The following RNLS variants were observed in gnomAD, a reference collection of about 807,000 sequenced individuals.
RNLS encodes the protein renalase, FAD dependent amine oxidase, also known as renalase.
Under a neutral mutation model 39.8 loss-of-function variants are expected in RNLS, and 39 were observed. The ratio of observed to expected loss-of-function variants is 0.98; its 90% CI spans 0.76 to 1.28. The LOEUF (loss-of-function observed/expected upper bound fraction) is 1.28, where lower values mean the gene tolerates loss of function less well. RNLS is among the 50% of genes most tolerant of loss of function. The probability of loss-of-function intolerance (pLI) is 0.00; values close to 1 mark genes in which losing one functional copy is unlikely to be tolerated. For missense variants in RNLS, 410 were observed against 413.3 expected (o/e 0.99, Z 0.07); for synonymous variants, 147 against 150.7 (o/e 0.98, Z 0.18).
At chr10:88,187,302 T>G in the RNLS span, among the ~76,000 whole-genome samples, 1 of 150,794 alleles carries the variant, frequency 6.6e-6, no homozygotes, top group African/African-American at 2.4e-5. Flanking sequence ...ACATTTGTGT[T>G]GGCATTGATC....
In RNLS at chr10:88,374,849, T is replaced by G. The variant is rs1217680317; in HGVS notation, c.527-12124A>C. On this transcript the variant is annotated intron_variant, in intron 4 of 6. Transcript: ENST00000331772. ...TTCCAAGCTTCTACGCAACTAACCT[T>G]GGCACTTACCCCCAGCTCAGGCAGC... Among the ~76,000 whole-genome samples, 4 of 152,108 alleles carry G rather than the reference T, an allele frequency of 2.6e-5. No homozygotes were observed. The East Asian group carries it at 7.7e-4, about 29-fold the overall frequency.
At chr10:88,338,510 A>C (rs1847671464) in intron 5 of RNLS, among the ~76,000 whole-genome samples, 1 of 152,232 alleles carries the variant, frequency 6.6e-6, no homozygotes, top group South Asian at 2.1e-4. Context: ...TGTAACTAAC[A>C]GCAGGTAAAT....
At chr10:88,390,618 A>T (rs932215451) in intron 4 of RNLS, among the ~76,000 whole-genome samples, 1 of 152,106 alleles carries the variant, frequency 6.6e-6, no homozygotes, top group Non-Finnish European at 1.5e-5. Flanking sequence ...GATTTTAAAA[A>T]ACCCAAAGCC....
the RNLS span, among the ~76,000 whole-genome samples, chr10:88,196,896 G>T: frequency 6.6e-6 from 1 of 152,136 alleles, no homozygotes; most frequent in African/African-American, 2.4e-5. Context: ...ATGTTTTGGG[G>T]CAAATGGAGA....
Position 88,284,942 on chromosome 10 carries a change from C to CACAT in RNLS, c.*408_*411dup, listed in dbSNP as rs1843165058. 15 of 986,902 alleles carry CACAT rather than the reference C, an allele frequency of 1.5e-5. No individual in the cohort carries two copies. Among genetic ancestry groups the CACAT allele is most frequent in the Non-Finnish European group, 1.8e-5 (15 of 830,986 alleles). The allele number at this position is 986,902 out of a possible 1,614,324, so 61.1% of individuals were successfully genotyped here. On this transcript the variant is annotated 3_prime_UTR_variant, in exon 7 of 7. Transcript: ENST00000331772. Reference sequence around the variant, plus strand: ...ATTTGCAAAAATATTGATTCAAGGACACATCCGAAGACTTAAGATGGGGCT... The same window carrying CACAT: ...ATTTGCAAAAATATTGATTCAAGGACACATACATCCGAAGACTTAAGATGGGGCT...
At chr10:88,544,314 A>G (rs1486079385) in intron 4 of RNLS, among the ~76,000 whole-genome samples, 1 of 152,204 alleles carries the variant, frequency 6.6e-6, no homozygotes, top group Non-Finnish European at 1.5e-5. Context: ...AATGATAAAC[A>G]TCTGCATAGT....
chr10:88,314,441 T>C (rs778944090), intron 6 of RNLS, 25 bp downstream of exon 6: 1 of 1,611,262 alleles, frequency 6.2e-7, no homozygotes, highest in South Asian at 1.1e-5. Context: ...ATTGTTGTGC[T>C]TAGACCACTG....
At chr10:88,583,017 T>C (rs894140465) in intron 1 of RNLS, 56 bp downstream of exon 1, 1 of 1,583,130 alleles carries the variant, frequency 6.3e-7, no homozygotes, top group Admixed American at 1.7e-5. Flanking sequence ...CCACACCACC[T>C]CAGCAGCCTG....
intron 4 of RNLS, among the ~76,000 whole-genome samples, chr10:88,390,752 A>T (rs1034931333): frequency 1.3e-5 from 2 of 152,120 alleles, no homozygotes; most frequent in South Asian, 4.1e-4. Flanking sequence ...TCAAAGTATA[A>T]ATTATTATGG....
chr10:88,535,597 GA>G lies in RNLS; in HGVS notation c.526+37305del, dbSNP rs547346631. Among the ~76,000 whole-genome samples, 482 of 149,352 alleles carry G rather than the reference GA, an allele frequency of 3.2e-3. 2 individuals carry two copies. The highest frequency in any genetic ancestry group is 0.024 in the Middle Eastern group (7 of 294). On this transcript the variant is annotated intron_variant, in intron 4 of 6. Transcript: ENST00000331772. ...CATGTACCCCTGAACTTAAAAGTTG[GA>G]AAAAAAAAGATAAAAAAAACCTAGG...
the RNLS span, among the ~76,000 whole-genome samples, chr10:88,262,092 A>G: frequency 9.9e-5 from 15 of 152,170 alleles, no homozygotes; most frequent in African/African-American, 3.6e-4. Flanking sequence ...CCTTCTGGGC[A>G]GGATTCATGC....
downstream of RNLS, among the ~76,000 whole-genome samples, chr10:88,283,181 A>G (rs1374796021): frequency 6.6e-6 from 1 of 152,148 alleles, no homozygotes; most frequent in Non-Finnish European, 1.5e-5. Flanking sequence ...AGATATTTCT[A>G]CCATTTCATT....
At chr10:88,462,852 C>A (rs961387633) in intron 4 of RNLS, among the ~76,000 whole-genome samples, 10 of 151,796 alleles carry the variant, frequency 6.6e-5, no homozygotes, top group Non-Finnish European at 1.5e-5. Flanking sequence ...AAGAGGAAAG[C>A]CTATAAAAAT....
At chr10:88,212,713 C>T in the RNLS span, among the ~76,000 whole-genome samples, 3 of 152,120 alleles carry the variant, frequency 2.0e-5, no homozygotes, top group Non-Finnish European at 4.4e-5. Flanking sequence ...CATAAGCACA[C>T]CTTAGCACCT....
intron 4 of RNLS, among the ~76,000 whole-genome samples, chr10:88,520,238 T>C (rs1846645532): frequency 6.6e-6 from 1 of 151,992 alleles, no homozygotes; most frequent in Non-Finnish European, 1.5e-5. Flanking sequence ...TCACAGGGTA[T>C]TTTAAGGGGG....
At chr10:88,511,186 C>G (rs555420739) in intron 4 of RNLS, among the ~76,000 whole-genome samples, 1 of 152,122 alleles carries the variant, frequency 6.6e-6, no homozygotes, top group African/African-American at 2.4e-5. Context: ...AAGCCTTCTA[C>G]AGCTGCACTG....
At chr10:88,336,813 G>A (rs1457510569) in intron 5 of RNLS, among the ~76,000 whole-genome samples, 1 of 152,146 alleles carries the variant, frequency 6.6e-6, no homozygotes. Context: ...GGCTGGGTTG[G>A]GCAACTAGGG....
In RNLS at chr10:88,338,131, T is replaced by C. The variant is rs554039963; in HGVS notation, c.701-23490A>G. Among the ~76,000 whole-genome samples, 331 of 152,322 alleles carry C rather than the reference T, an allele frequency of 2.2e-3. 4 individuals carry two copies. Among genetic ancestry groups the C allele is most frequent in the African/African-American group, 7.5e-3 (313 of 41,572 alleles). ...CTAAAAATCAGTTGGCAGTGATGAT[T>C]TGAGAAGAAAAGTTCATCCTTCCCA... On this transcript the variant is annotated intron_variant, in intron 5 of 6. Transcript: ENST00000331772.
At chr10:88,209,410 C>T in the RNLS span, among the ~76,000 whole-genome samples, 6 of 152,214 alleles carry the variant, frequency 3.9e-5, no homozygotes, top group Non-Finnish European at 5.9e-5. Flanking sequence ...CATGTGATGA[C>T]GATGGCAGAG....
Sources: gnomAD v4.1 joint callset for allele counts (sites outside exome capture counted in the v4.1 genomes callset) on GRCh38, gnomAD v4.1.1 for gene constraint, MANE v1.5 for transcripts, NCBI Gene and HGNC (gene_info 2026-07-23, HGNC 2026-07-21) for gene names.